Variants in FGGY observed in about 807,000 individuals in gnomAD.
FGGY encodes the protein FGGY carbohydrate kinase domain containing.
Under a neutral mutation model 71.3 loss-of-function variants are expected in FGGY, and 72 were observed. That is an observed-to-expected ratio of 1.01 (90% CI 0.84 to 1.23). The LOEUF is 1.23. Among genes scored for constraint, FGGY ranks in the 50% most tolerant of loss-of-function variants. The probability of loss-of-function intolerance (pLI) is 0.00; values close to 1 mark genes in which losing one functional copy is unlikely to be tolerated. For synonymous variants in FGGY, 251 were observed against 250.3 expected, an observed-to-expected ratio of 1.00 and a Z score of -0.02; for missense variants, 668 against 682.3, an observed-to-expected ratio of 0.98 and a Z score of 0.23.
intron 5 of FGGY, among the ~76,000 whole-genome samples, chr1:59,417,488 G>A (rs1031751795): frequency 6.6e-6 from 1 of 152,130 alleles, no homozygotes; most frequent in African/African-American, 2.4e-5. Context: ...GGGTTTTATG[G>A]TAACACCATG....
chr1:59,658,077 G>C (rs1343244711), intron 11 of FGGY, among the ~76,000 whole-genome samples: 1 of 152,140 alleles, frequency 6.6e-6, no homozygotes, highest in Non-Finnish European at 1.5e-5. Context: ...TGAGTGAATT[G>C]TCACTCAGCA....
At chr1:59,313,588 G>A (rs981888565) in intron 1 of FGGY, among the ~76,000 whole-genome samples, 16 of 149,676 alleles carry the variant, frequency 1.1e-4, no homozygotes, top group Middle Eastern at 3.5e-3. Flanking sequence ...ACACACGCAC[G>A]CACACACACA....
intron 5 of FGGY, among the ~76,000 whole-genome samples, chr1:59,436,359 C>G (rs1014437104): frequency 6.6e-6 from 1 of 152,094 alleles, no homozygotes; most frequent in African/African-American, 2.4e-5. Context: ...CCGCAAACTT[C>G]TTCCAAGCCC....
At chr1:59,645,838 T>C (rs2097089276) in intron 11 of FGGY, among the ~76,000 whole-genome samples, 1 of 152,220 alleles carries the variant, frequency 6.6e-6, no homozygotes, top group Non-Finnish European at 1.5e-5. Flanking sequence ...CTGCTTCATG[T>C]TAAAAGTACA....
At chr1:59,540,376 G>A (rs1231599323) in intron 7 of FGGY, among the ~76,000 whole-genome samples, 4 of 152,160 alleles carry the variant, frequency 2.6e-5, no homozygotes, top group Admixed American at 6.5e-5. Context: ...TGGTATATTC[G>A]TGGAGTAAAG....
intron 5 of FGGY, among the ~76,000 whole-genome samples, chr1:59,401,215 G>A (rs1452068107): frequency 6.6e-6 from 1 of 152,042 alleles, no homozygotes; most frequent in Non-Finnish European, 1.5e-5. Context: ...TGTCAGCATT[G>A]ATAACATTTT....
chr1:59,662,931 TA>T (rs1263700882), intron 12 of FGGY, among the ~76,000 whole-genome samples: 5 of 152,242 alleles, frequency 3.3e-5, no homozygotes, highest in African/African-American at 1.2e-4. Context: ...TGTTATTGTA[TA>T]AAAGAGTCAT....
intron 13 of FGGY, 84 bp from the exon 14 acceptor site, chr1:59,673,955 G>T (rs1458628624): frequency 1.7e-6 from 2 of 1,171,794 alleles, no homozygotes; most frequent in Non-Finnish European, 2.5e-6. Context: ...GATGTCAGGT[G>T]TTTTTGCCAC....
intron 7 of FGGY, among the ~76,000 whole-genome samples, chr1:59,532,836 AGAT>A (rs1405195954): frequency 1.3e-5 from 2 of 152,240 alleles, no homozygotes; most frequent in African/African-American, 4.8e-5. Context: ...CTAACATCAT[AGAT>A]GATACAATTA....
intron 14 of FGGY, among the ~76,000 whole-genome samples, chr1:59,681,553 G>A (rs374350562): frequency 2.2e-4 from 34 of 152,272 alleles, no homozygotes; most frequent in African/African-American, 7.7e-4. Flanking sequence ...ATAGAAAGAC[G>A]TGCCTGTAAG....
At chr1:59,362,110 C>T (rs1226994703) in intron 4 of FGGY, among the ~76,000 whole-genome samples, 5 of 152,240 alleles carry the variant, frequency 3.3e-5, no homozygotes, top group East Asian at 1.9e-4. Flanking sequence ...ATTTTATTCA[C>T]GTCTCATGTT....
chr1:59,669,851 G>A (rs542644004), intron 13 of FGGY, among the ~76,000 whole-genome samples: 17 of 152,154 alleles, frequency 1.1e-4, no homozygotes, highest in African/African-American at 3.6e-4. Context: ...CTGACTCCGC[G>A]CTGCAGCCCT....
At chr1:59,681,552 C>A (rs145393677) in intron 14 of FGGY, among the ~76,000 whole-genome samples, 2 of 152,158 alleles carry the variant, frequency 1.3e-5, no homozygotes, top group Non-Finnish European at 2.9e-5. Context: ...CATAGAAAGA[C>A]GTGCCTGTAA....
chr1:59,625,308 T>A (rs1381556613), intron 9 of FGGY, among the ~76,000 whole-genome samples: 1 of 152,086 alleles, frequency 6.6e-6, no homozygotes, highest in Non-Finnish European at 1.5e-5. Context: ...AGCCACCAAG[T>A]GGATTAAGGA....
intron 4 of FGGY, among the ~76,000 whole-genome samples, chr1:59,361,601 A>G (rs910926563): frequency 6.6e-6 from 1 of 152,190 alleles, no homozygotes; most frequent in Non-Finnish European, 1.5e-5. Context: ...AGTCCCTTTT[A>G]TATATTCCAT....
At chr1:59,350,833 G>A (rs1177502635) in intron 4 of FGGY, among the ~76,000 whole-genome samples, 1 of 152,150 alleles carries the variant, frequency 6.6e-6, no homozygotes, top group Non-Finnish European at 1.5e-5. Context: ...AGAAAATGGT[G>A]CATGATGTCA....
At chr1:59,301,216 T>A (rs1250379801) in intron 1 of FGGY, among the ~76,000 whole-genome samples, 1 of 152,230 alleles carries the variant, frequency 6.6e-6, no homozygotes, top group Non-Finnish European at 1.5e-5. Context: ...ATTTCCTATT[T>A]TTTGATGATA....
chr1:59,501,760 T>C (rs924566513), intron 6 of FGGY, among the ~76,000 whole-genome samples: 1 of 152,204 alleles, frequency 6.6e-6, no homozygotes. Context: ...GCTAGAAAAC[T>C]GAATTCCACC....
intron 8 of FGGY, among the ~76,000 whole-genome samples, chr1:59,566,797 T>A (rs2095879085): frequency 7.0e-6 from 1 of 142,676 alleles, no homozygotes; most frequent in Admixed American, 7.0e-5. Context: ...AAAGATAATT[T>A]ACATACCATG....
Sources: gnomAD v4.1 joint callset for allele counts (sites outside exome capture counted in the v4.1 genomes callset) on GRCh38, gnomAD v4.1.1 for gene constraint, MANE v1.5 for transcripts, NCBI Gene and HGNC (gene_info 2026-07-23, HGNC 2026-07-21) for gene names.